PCDH15: variants seen among roughly 807,000 people sequenced by gnomAD.
PCDH15 encodes the protein protocadherin-15.
A neutral mutation model predicts 178.5 loss-of-function variants in PCDH15; 129 were observed. The observed-to-expected ratio is 0.72, with a 90% CI of 0.63 to 0.84. The LOEUF (loss-of-function observed/expected upper bound fraction) is 0.84. PCDH15 is among the 40% of genes least tolerant of loss of function. The pLI is 0.00. For missense variants in PCDH15, 2,230 were observed against 2,099.9 expected (o/e 1.06, Z -1.21); for synonymous variants, 800 against 732.0 (o/e 1.09, Z -1.50).
chr10:55,160,766 T>G (rs1839045196), intron 2 of PCDH15, among the ~76,000 whole-genome samples: 1 of 152,114 alleles, frequency 6.6e-6, no homozygotes, highest in Non-Finnish European at 1.5e-5. Context: ...TTATTTATGC[T>G]CTTCCATCTA....
chr10:54,876,903 A>G lies in PCDH15; in HGVS notation c.-29+20547T>C, dbSNP rs549413926. On this transcript the variant is annotated intron_variant, in intron 3 of 5. Coordinates refer to the PCDH15 transcript ENST00000458638. ...TTTGAGAGGATTGACTAATTTTGAA[A>G]GAAGTCCTGTTTTGGTTAAAATGCT... Among the ~76,000 whole-genome samples the G allele has an allele frequency of 4.6e-5, 7 of 152,334 alleles. No homozygotes were observed. The South Asian group carries it at 1.2e-3, about 27-fold the overall frequency.
chr10:55,275,306 T>A (rs1198058688), intron 1 of PCDH15, among the ~76,000 whole-genome samples: 1 of 151,906 alleles, frequency 6.6e-6, no homozygotes, highest in African/African-American at 2.4e-5. Context: ...TTAGTGTCTC[T>A]TGATTATTAG....
intron 13 of PCDH15, among the ~76,000 whole-genome samples, chr10:54,156,638 GCCCCTC>G (rs2045181881): frequency 1.3e-5 from 2 of 152,054 alleles, no homozygotes; most frequent in African/African-American, 4.8e-5. Context: ...TCCAACCCTG[GCCCCTC>G]CCAAATCTAA....
At chr10:55,061,460 A>G (rs770862762) in intron 2 of PCDH15, among the ~76,000 whole-genome samples, 1 of 152,210 alleles carries the variant, frequency 6.6e-6, no homozygotes, top group Non-Finnish European at 1.5e-5. Context: ...GTGGAAATGC[A>G]AAATGTTATA....
chr10:54,998,166 G>A (rs534051849), intron 2 of PCDH15, among the ~76,000 whole-genome samples: 2 of 152,100 alleles, frequency 1.3e-5, no homozygotes, highest in East Asian at 1.9e-4. Flanking sequence ...TTCAAATTAT[G>A]GACTATGGCA....
chr10:54,111,972 C>A (rs377549399), intron 15 of PCDH15, among the ~76,000 whole-genome samples: 181 of 97,364 alleles, frequency 1.9e-3, no homozygotes, highest in South Asian at 2.7e-3. Context: ...ACCAAAAATA[C>A]AAAAAAAAAA....
At chr10:55,426,706 G>A (rs1248128258) in intron 2 of PCDH15, among the ~76,000 whole-genome samples, 1 of 152,146 alleles carries the variant, frequency 6.6e-6, no homozygotes, top group East Asian at 1.9e-4. Flanking sequence ...TGTCCTAGGA[G>A]AAATGAGGTC....
intron 1 of PCDH15, among the ~76,000 whole-genome samples, chr10:54,704,761 T>C (rs2095348724): frequency 6.6e-6 from 1 of 152,102 alleles, no homozygotes; most frequent in Non-Finnish European, 1.5e-5. Flanking sequence ...TGGAAAGCAG[T>C]TTGGAGATTT....
intron 2 of PCDH15, among the ~76,000 whole-genome samples, chr10:55,057,107 T>C (rs1243011109): frequency 1.3e-5 from 2 of 152,188 alleles, no homozygotes; most frequent in Non-Finnish European, 2.9e-5. Context: ...GATTTTATAT[T>C]GTCGGCTACC....
At chr10:54,289,988 G>C (rs758535235) in intron 8 of PCDH15, among the ~76,000 whole-genome samples, 4 of 152,160 alleles carry the variant, frequency 2.6e-5, no homozygotes, top group Non-Finnish European at 4.4e-5. Flanking sequence ...ATATTATCCA[G>C]GAGAACCTCC....
chr10:54,234,130 T>TTG lies in PCDH15; in HGVS notation c.985+2692_985+2693insCA, dbSNP rs1491388308. On this transcript the variant is annotated intron_variant, in intron 9 of 37. Coordinates refer to ENST00000644397, the MANE Select transcript of PCDH15 (RefSeq NM_001384140.1). The stretch of plus-strand genomic sequence containing the variant: ...TGAAGTCAGAGTCATGGATATCCCC[T>TTG]TCTGTGTGTGTGTGTGTGTGTGTGT... Among the ~76,000 whole-genome samples the TTG allele has an allele frequency of 1.2e-3, 125 of 103,198 alleles. No individual in the cohort carries two copies. The East Asian group carries it at 0.032, about 26-fold the overall frequency. The allele number at this position is 103,198 out of a possible 152,430, so 67.7% of individuals were successfully genotyped here. A position where few individuals can be genotyped will look rare whatever the true frequency, so the allele number is the denominator to read the frequency against.
At chr10:54,494,603 C>T (rs1225468295) in intron 3 of PCDH15, among the ~76,000 whole-genome samples, 1 of 152,066 alleles carries the variant, frequency 6.6e-6, no homozygotes, top group African/African-American at 2.4e-5. Flanking sequence ...GCCAATCATG[C>T]CACCCTTTCA....
At chr10:54,292,375 G>T (rs1382069141) in intron 8 of PCDH15, among the ~76,000 whole-genome samples, 1 of 152,068 alleles carries the variant, frequency 6.6e-6, no homozygotes, top group African/African-American at 2.4e-5. Context: ...ATACTGGATG[G>T]GCAAAAAATG....
chr10:54,373,120 T>C (rs1947918482), intron 4 of PCDH15, among the ~76,000 whole-genome samples: 1 of 151,932 alleles, frequency 6.6e-6, no homozygotes, highest in African/African-American at 2.4e-5. Flanking sequence ...TATTAGCAGT[T>C]TAGATTATAG....
chr10:54,618,744 C>T (rs749032493), intron 2 of PCDH15, among the ~76,000 whole-genome samples: 14 of 151,928 alleles, frequency 9.2e-5, no homozygotes, highest in Non-Finnish European at 1.8e-4. Context: ...TCTAGAATCA[C>T]TAATTATGTT....
rs1297878572 is a variant in PCDH15 at position 54,507,039 on chromosome 10, T to C, written c.157+20773A>G. Among the ~76,000 whole-genome samples the C allele has an allele frequency of 2.6e-5, 4 of 151,950 alleles. No individual in the cohort carries two copies. In the South Asian group the frequency reaches 8.3e-4, roughly 31 times the overall value. ...TCTTAATAACAACACAATTCTAATT[T>C]TTGCCTTTAGGATTCCTTTAATAAT... On this transcript the variant is annotated intron_variant, in intron 3 of 37. Coordinates refer to ENST00000644397, the MANE Select transcript of PCDH15 (RefSeq NM_001384140.1).
chr10:55,003,657 G>C (rs762813925), intron 2 of PCDH15, among the ~76,000 whole-genome samples: 2 of 152,118 alleles, frequency 1.3e-5, no homozygotes, highest in Admixed American at 6.6e-5. Flanking sequence ...GTTATAATAG[G>C]ACACAATTGT....
intron 2 of PCDH15, among the ~76,000 whole-genome samples, chr10:54,968,040 T>A (rs929419644): frequency 2.0e-5 from 3 of 152,148 alleles, no homozygotes; most frequent in African/African-American, 7.2e-5. Flanking sequence ...AACATACGCA[T>A]TTTGGGGAGT....
intron 1 of PCDH15, among the ~76,000 whole-genome samples, chr10:54,664,827 AT>A (rs1565889660): frequency 6.6e-6 from 1 of 151,538 alleles, no homozygotes; most frequent in Non-Finnish European, 1.5e-5. Context: ...AAATCTGTCA[AT>A]TTTCACTACA....
Sources: gnomAD v4.1 joint callset for allele counts (sites outside exome capture counted in the v4.1 genomes callset) on GRCh38, gnomAD v4.1.1 for gene constraint, MANE v1.5 for transcripts, NCBI Gene and HGNC (gene_info 2026-07-23, HGNC 2026-07-21) for gene names.